The following MPP7 variants were observed in gnomAD, a reference collection of about 807,000 sequenced individuals.
MPP7 encodes MAGUK p55 subfamily member 7.
In MPP7, 60 loss-of-function variants were observed where a neutral mutation model predicts 76.5. The ratio of observed to expected loss-of-function variants is 0.78; its 90% CI spans 0.64 to 0.97. MPP7 has a LOEUF of 0.97. Ranked by LOEUF, MPP7 falls within the 50% of genes least tolerant of loss-of-function variation. The pLI is 0.00. For missense variants in MPP7, 641 were observed against 694.0 expected (o/e 0.92, Z 0.86); for synonymous variants, 237 against 244.5 (o/e 0.97, Z 0.29).
intron 1 of MPP7, among the ~76,000 whole-genome samples, chr10:28,245,140 A>G (rs1418476299): frequency 6.6e-6 from 1 of 152,066 alleles, no homozygotes; most frequent in Non-Finnish European, 1.5e-5. Flanking sequence ...TCAATGACCC[A>G]CTATTTTTGC....
chr10:28,134,743 A>T (rs1835302623), intron 5 of MPP7, among the ~76,000 whole-genome samples: 1 of 152,156 alleles, frequency 6.6e-6, no homozygotes, highest in Non-Finnish European at 1.5e-5. Flanking sequence ...TCACAGCAGA[A>T]ATACAAAATG....
intron 3 of MPP7, among the ~76,000 whole-genome samples, chr10:28,174,838 A>G (rs1308453398): frequency 6.6e-6 from 1 of 152,258 alleles, no homozygotes; most frequent in East Asian, 1.9e-4. Context: ...AAAAATGTCC[A>G]TCGACAGTTG....
intron 11 of MPP7, among the ~76,000 whole-genome samples, chr10:28,102,869 C>T (rs1853890170): frequency 6.6e-6 from 1 of 152,218 alleles, no homozygotes; most frequent in Admixed American, 6.5e-5. Context: ...CCTTACAATC[C>T]ATTCCCAACA....
chr10:28,219,978 C>T (rs1564711236), intron 2 of MPP7, among the ~76,000 whole-genome samples: 2 of 152,114 alleles, frequency 1.3e-5, no homozygotes, highest in South Asian at 4.1e-4. Context: ...GAGGCAATCT[C>T]TTTCTCACAC....
chr10:28,250,422 A>G (rs1839578561), intron 1 of MPP7, among the ~76,000 whole-genome samples: 1 of 152,112 alleles, frequency 6.6e-6, no homozygotes, highest in South Asian at 2.1e-4. Flanking sequence ...GAACTTCCAC[A>G]TCTCCCAGCC....
At chr10:28,324,138 TC>T (rs1202117958) in intron 2 of MPP7, among the ~76,000 whole-genome samples, 1 of 152,048 alleles carries the variant, frequency 6.6e-6, no homozygotes, top group Non-Finnish European at 1.5e-5. Flanking sequence ...GGAGGCAGGG[TC>T]TTTGGGGCTG....
intron 12 of MPP7, among the ~76,000 whole-genome samples, chr10:28,088,768 A>G (rs960620349): frequency 6.6e-6 from 1 of 152,234 alleles, no homozygotes; most frequent in East Asian, 1.9e-4. Flanking sequence ...GTGAAGATAC[A>G]TGGAGCTTGT....
At chr10:28,274,565 GA>G (rs1157691597) in intron 1 of MPP7, among the ~76,000 whole-genome samples, 2 of 152,062 alleles carry the variant, frequency 1.3e-5, no homozygotes, top group Non-Finnish European at 2.9e-5. Context: ...TAATAAATTA[GA>G]AGATTCTTTG....
intron 3 of MPP7, among the ~76,000 whole-genome samples, chr10:28,168,496 C>T (rs565350658): frequency 2.6e-5 from 4 of 151,996 alleles, no homozygotes; most frequent in East Asian, 1.9e-4. Context: ...TATGGTAAGT[C>T]GAAAGATATT....
chr10:28,268,769 G>A (rs1840226931), intron 1 of MPP7, among the ~76,000 whole-genome samples: 1 of 151,354 alleles, frequency 6.6e-6, no homozygotes. Flanking sequence ...AGAAAATGGG[G>A]CTAATCAGGC....
At chr10:28,092,432 GAA>G (rs1853351095) in intron 11 of MPP7, among the ~76,000 whole-genome samples, 1 of 152,134 alleles carries the variant, frequency 6.6e-6, no homozygotes, top group Non-Finnish European at 1.5e-5. Flanking sequence ...CCTAGGATGA[GAA>G]AAAGAGGTGG....
chr10:28,201,668 T>C (rs976946984), intron 3 of MPP7, among the ~76,000 whole-genome samples: 3 of 152,168 alleles, frequency 2.0e-5, no homozygotes, highest in Non-Finnish European at 2.9e-5. Context: ...AGTGTATTTA[T>C]ATACAAAATA....
rs559965799 is a variant in MPP7 at position 28,063,695 on chromosome 10, G to A, written c.1205-3952C>T. On this transcript the variant is annotated intron_variant, in intron 13 of 16. Transcript: ENST00000683449. Reference sequence around the variant, plus strand: ...ACTGCACGTGTGAGAGACCTAGATTGGGTACTCCTTATGAGAATCTAATGT... The same window carrying A: ...ACTGCACGTGTGAGAGACCTAGATTAGGTACTCCTTATGAGAATCTAATGT... Among the ~76,000 whole-genome samples the A allele has an allele frequency of 1.2e-4, 18 of 152,156 alleles. No homozygotes were observed. The South Asian group carries it at 3.5e-3, about 30-fold the overall frequency.
At chr10:28,118,756 T>C in intron 11 of MPP7, 1 of 985,446 alleles carries the variant, frequency 1.0e-6, no homozygotes, top group Non-Finnish European at 1.2e-6. Flanking sequence ...TATACTCGAC[T>C]ACAGTTTGGC....
intron 1 of MPP7, among the ~76,000 whole-genome samples, chr10:28,268,620 T>C (rs781427082): frequency 1.3e-5 from 2 of 151,538 alleles, no homozygotes; most frequent in Non-Finnish European, 2.9e-5. Context: ...TAATCCCAGC[T>C]ACTCAGGAAG....
chr10:28,255,369 C>T (rs114528580), intron 1 of MPP7, among the ~76,000 whole-genome samples: 1,919 of 151,714 alleles, frequency 0.013, 41 homozygotes, highest in African/African-American at 0.044. Context: ...CCTCAGCCTA[C>T]CCAAAGTGCT....
chr10:28,225,469 C>T (rs966128339), intron 2 of MPP7, among the ~76,000 whole-genome samples: 1 of 152,128 alleles, frequency 6.6e-6, no homozygotes, highest in Non-Finnish European at 1.5e-5. Context: ...CAGGGAAACT[C>T]AACAACAAAG....
intron 11 of MPP7, among the ~76,000 whole-genome samples, chr10:28,091,243 A>G (rs1853284049): frequency 6.6e-6 from 1 of 152,116 alleles, no homozygotes; most frequent in African/African-American, 2.4e-5. Context: ...ATAAAAATAC[A>G]TTCTCTTCAA....
At chr10:28,252,121 T>TTATCAAAAGTG (rs1839633807) in intron 1 of MPP7, among the ~76,000 whole-genome samples, 1 of 152,228 alleles carries the variant, frequency 6.6e-6, no homozygotes, top group Non-Finnish European at 1.5e-5. Flanking sequence ...ACTTAGCTTA[T>TTATCAAAAGTG]ACATTGCTTA....
Sources: allele counts gnomAD v4.1 joint callset (sites outside exome capture counted in the v4.1 genomes callset), GRCh38; gene constraint gnomAD v4.1.1; transcripts MANE v1.5; gene names NCBI Gene and HGNC (gene_info 2026-07-23, HGNC 2026-07-21).